Variants in ABLIM1 observed in about 807,000 individuals in gnomAD.
The protein encoded by ABLIM1 is actin binding LIM protein 1.
Under a neutral mutation model 107.0 loss-of-function variants are expected in ABLIM1, and 40 were observed. The observed-to-expected ratio is 0.37, with a 90% confidence interval of 0.29 to 0.49. ABLIM1 has a LOEUF of 0.49. ABLIM1 is among the 20% of genes least tolerant of loss of function. The pLI is 0.97. For synonymous variants in ABLIM1, 357 were observed against 357.3 expected (o/e 1.00, Z 0.01); for missense variants, 857 against 1,008.5 (o/e 0.85, Z 2.04).
chr10:114,589,490 C>T (rs2074598201), intron 2 of ABLIM1, among the ~76,000 whole-genome samples: 1 of 151,114 alleles, frequency 6.6e-6, no homozygotes, highest in Non-Finnish European at 1.5e-5. Flanking sequence ...GATCACACCA[C>T]TGCACTCCAG....
intron 6 of ABLIM1, among the ~76,000 whole-genome samples, chr10:114,540,623 G>A (rs1014727605): frequency 1.3e-5 from 2 of 152,192 alleles, no homozygotes; most frequent in Non-Finnish European, 2.9e-5. Context: ...AAGTCACTCA[G>A]GAATGAGTGA....
chr10:114,563,873 G>A (rs1248025164), intron 4 of ABLIM1, among the ~76,000 whole-genome samples: 2 of 145,512 alleles, frequency 1.4e-5, no homozygotes, highest in East Asian at 2.0e-4. Flanking sequence ...AAATTAGCTG[G>A]TGCCTAGAAC....
intron 6 of ABLIM1, among the ~76,000 whole-genome samples, chr10:114,512,205 G>A (rs1046237709): frequency 5.3e-5 from 8 of 152,144 alleles, no homozygotes; most frequent in Non-Finnish European, 1.2e-4. Flanking sequence ...TTTTTTTCCT[G>A]TGCGTAAAAA....
chr10:114,514,073 C>G (rs1190324264), intron 6 of ABLIM1, among the ~76,000 whole-genome samples: 2 of 152,146 alleles, frequency 1.3e-5, no homozygotes, highest in African/African-American at 4.8e-5. Flanking sequence ...TGCTGCTCAC[C>G]TAAGACTCAC....
At chr10:114,630,316 G>A (rs1027839303) in intron 1 of ABLIM1, among the ~76,000 whole-genome samples, 2 of 152,120 alleles carry the variant, frequency 1.3e-5, no homozygotes, top group African/African-American at 4.8e-5. Context: ...AGTTGGGTGG[G>A]AGCTACAAAT....
chr10:114,461,691 C>T (rs991035816), intron 12 of ABLIM1, among the ~76,000 whole-genome samples: 3 of 151,914 alleles, frequency 2.0e-5, no homozygotes, highest in South Asian at 4.2e-4. Context: ...TGGTGGTGCA[C>T]ACCTGTAATC....
chr10:114,569,397 G>A (rs996999676), intron 4 of ABLIM1, among the ~76,000 whole-genome samples: 1 of 151,414 alleles, frequency 6.6e-6, no homozygotes, highest in South Asian at 2.1e-4. Context: ...TCGGCTCACT[G>A]CAACCTCTGC....
intron 1 of ABLIM1, among the ~76,000 whole-genome samples, chr10:114,624,837 G>C (rs2077686133): frequency 6.6e-6 from 1 of 151,218 alleles, no homozygotes. Context: ...TATTCAGACA[G>C]TACTTCTGGA....
intron 10 of ABLIM1, among the ~76,000 whole-genome samples, chr10:114,472,002 G>A (rs2133946302): frequency 6.6e-6 from 1 of 152,154 alleles, no homozygotes; most frequent in African/African-American, 2.4e-5. Context: ...TGGGACCGGG[G>A]AGGGGAGGAC....
intron 1 of ABLIM1, among the ~76,000 whole-genome samples, chr10:114,644,824 T>C (rs745575027): frequency 7.2e-5 from 11 of 152,100 alleles, no homozygotes; most frequent in Non-Finnish European, 1.2e-4. Flanking sequence ...CACAGAACCA[T>C]GTGTAGACCA....
At chr10:114,651,466 C>A (rs1437359163) in intron 1 of ABLIM1, among the ~76,000 whole-genome samples, 3 of 152,094 alleles carry the variant, frequency 2.0e-5, no homozygotes, top group African/African-American at 7.2e-5. Context: ...GGAGACTGTG[C>A]CAGGCAGCAG....
At chr10:114,711,801 G>A (rs1000864657) in intron 1 of ABLIM1, among the ~76,000 whole-genome samples, 2 of 152,088 alleles carry the variant, frequency 1.3e-5, no homozygotes, top group Non-Finnish European at 2.9e-5. Context: ...CAGTGACCTG[G>A]TAGAGAAGGA....
chr10:114,534,926 C>T (rs1198249498), intron 6 of ABLIM1, among the ~76,000 whole-genome samples: 3 of 152,210 alleles, frequency 2.0e-5, no homozygotes, highest in African/African-American at 7.2e-5. Context: ...GGAATGCAGT[C>T]TGCTGGTGCC....
chr10:114,480,594 G>T (rs2057198570), intron 8 of ABLIM1, among the ~76,000 whole-genome samples: 1 of 152,224 alleles, frequency 6.6e-6, no homozygotes, highest in Admixed American at 6.5e-5. Flanking sequence ...GATGAAGAAA[G>T]CAGGCAAGGT....
the ABLIM1 span, among the ~76,000 whole-genome samples, chr10:114,776,341 G>C: frequency 6.6e-6 from 1 of 152,136 alleles, no homozygotes; most frequent in Non-Finnish European, 1.5e-5. Context: ...TGGGCCGGGC[G>C]TGGTGGCTCA....
At chr10:114,529,530 T>C (rs1468913937) in intron 6 of ABLIM1, among the ~76,000 whole-genome samples, 1 of 152,152 alleles carries the variant, frequency 6.6e-6, no homozygotes, top group Non-Finnish European at 1.5e-5. Flanking sequence ...AGAGGATGGG[T>C]CATCTTCAGA....
intron 6 of ABLIM1, among the ~76,000 whole-genome samples, chr10:114,497,262 G>C (rs1335092870): frequency 6.6e-6 from 1 of 152,214 alleles, no homozygotes; most frequent in African/African-American, 2.4e-5. Flanking sequence ...CTGGCCCCAG[G>C]CACATAACTG....
At chr10:114,795,417 C>T in the ABLIM1 span, among the ~76,000 whole-genome samples, 1 of 152,204 alleles carries the variant, frequency 6.6e-6, no homozygotes, top group Non-Finnish European at 1.5e-5. Context: ...GTAGAAATTA[C>T]ACTTCTGGGC....
chr10:114,787,699 G>A, the ABLIM1 span, among the ~76,000 whole-genome samples: 1 of 130,584 alleles, frequency 7.7e-6, no homozygotes, highest in African/African-American at 2.7e-5. Context: ...CCGTCCGGGA[G>A]GGAGGTGGGG....
Sources: allele counts gnomAD v4.1 joint callset (sites outside exome capture counted in the v4.1 genomes callset), GRCh38; gene constraint gnomAD v4.1.1; transcripts MANE v1.5; gene names NCBI Gene and HGNC (gene_info 2026-07-23, HGNC 2026-07-21).